The following CYFIP2 variants were observed in gnomAD, a reference collection of about 807,000 sequenced individuals.
CYFIP2 encodes the protein cytoplasmic FMR1-interacting protein 2.
A neutral mutation model predicts 158.7 loss-of-function variants in CYFIP2; 29 were observed. The observed-to-expected ratio is 0.18, with a 90% CI of 0.14 to 0.25. CYFIP2 has a LOEUF of 0.25. Ranked by LOEUF, CYFIP2 falls within the 10% of genes least tolerant of loss-of-function variation. CYFIP2 has a pLI of 1.00. For synonymous variants in CYFIP2, 585 were observed against 617.6 expected (o/e 0.95, Z 0.78); for missense variants, 852 against 1,639.5 (o/e 0.52, Z 8.29).
chr5:157,322,131 G>C (rs574899974), intron 15 of CYFIP2, among the ~76,000 whole-genome samples: 105 of 152,338 alleles, frequency 6.9e-4, no homozygotes, highest in Non-Finnish European at 1.3e-3. Flanking sequence ...AGGTGGCACA[G>C]ACATGTTGAA....
intron 18 of CYFIP2, 42 bp from the exon 19 acceptor site, chr5:157,327,931 C>G: frequency 6.3e-7 from 1 of 1,593,756 alleles, no homozygotes. Context: ...TGTCATAAAG[C>G]TGAACGGGCA....
At chr5:157,281,427 AGTG>A (rs1275153459) in intron 1 of CYFIP2, among the ~76,000 whole-genome samples, 1 of 152,190 alleles carries the variant, frequency 6.6e-6, no homozygotes, top group Non-Finnish European at 1.5e-5. Context: ...TCGGTTATCT[AGTG>A]GTATAGTTTA....
intron 26 of CYFIP2, among the ~76,000 whole-genome samples, chr5:157,373,001 G>A (rs914724872): frequency 4.6e-5 from 7 of 152,152 alleles, no homozygotes; most frequent in South Asian, 2.1e-4. Context: ...GCCTTTCCAC[G>A]CTTGAGCCGA....
chr5:157,341,104 C>G lies in CYFIP2; in HGVS notation c.2620C>G (p.Pro874Ala), dbSNP rs375088064. The G allele has an allele frequency of 3.7e-6, 6 of 1,613,890 alleles. No individual in the cohort carries two copies. Among genetic ancestry groups the G allele is most frequent in the Non-Finnish European group, 5.1e-6 (6 of 1,179,902 alleles). ...GACTGCCATTCCTTTCACCCAAGAA[C>G]CACAACGAGACAAACCTGCCAACGT... ...VRTAIPFTQEPQRDKPANVQP... is the reference protein window; with the variant it reads ...VRTAIPFTQEAQRDKPANVQP... The change falls in exon 23 of 31, where the codon CCA (proline) becomes GCA (alanine). Residue 874 changes from proline to alanine, a missense_variant. Transcript: ENST00000620254.
intron 1 of CYFIP2, among the ~76,000 whole-genome samples, chr5:157,279,271 A>G (rs1262341388): frequency 2.6e-5 from 4 of 152,224 alleles, no homozygotes; most frequent in Non-Finnish European, 4.4e-5. Flanking sequence ...TATTGTTTAT[A>G]TAGCTCATAA....
intron 1 of CYFIP2, among the ~76,000 whole-genome samples, chr5:157,275,879 A>G (rs1756501399): frequency 6.6e-6 from 1 of 152,140 alleles, no homozygotes; most frequent in Non-Finnish European, 1.5e-5. Context: ...TGTTAAGTTT[A>G]TTTCTAAGTA....
intron 1 of CYFIP2, among the ~76,000 whole-genome samples, chr5:157,284,734 G>A (rs1757242376): frequency 6.6e-6 from 1 of 152,164 alleles, no homozygotes; most frequent in South Asian, 2.1e-4. Flanking sequence ...TGTTTGATGT[G>A]GCTCACAAAA....
intron 1 of CYFIP2, among the ~76,000 whole-genome samples, chr5:157,270,328 A>G (rs936103251): frequency 6.6e-6 from 1 of 152,204 alleles, no homozygotes; most frequent in Admixed American, 6.5e-5. Flanking sequence ...TCTGCAGGAA[A>G]TAAAGGTGAT....
Position 157,390,540 on chromosome 5 carries a change from T to G in CYFIP2, c.3466T>G (p.Leu1156Val), listed in dbSNP as rs765458257. ...TCCCAGGCAGTGTTTCGGCGATGGC[T>G]TGAACTGGGCTGGTTGCTCCATCAT... is the stretch of plus-strand genomic sequence containing the variant. ...FTAEQCFGDG[L>V]NWAGCSIIVL... The change falls in exon 30 of 31, where the codon TTG (leucine) becomes GTG (valine). Residue 1156 changes from leucine to valine, a missense_variant. This residue lies in a region of CYFIP2 where 223 missense variants were observed against 381.6 expected (regional missense o/e 0.58). Coordinates refer to ENST00000620254, the MANE Select transcript of CYFIP2 (RefSeq NM_001037333.3). 1 of 1,544,648 alleles carries G rather than the reference T, an allele frequency of 6.5e-7. No individual in the cohort carries two copies. Among genetic ancestry groups the G allele is most frequent in the African/African-American group, 1.4e-5 (1 of 72,922 alleles).
rs950666471 is a variant in CYFIP2 at position 157,311,535 on chromosome 5, G to A, written c.993-129G>A. On this transcript the variant is annotated intron_variant, in intron 10 of 30. Coordinates refer to ENST00000620254, the MANE Select transcript of CYFIP2 (RefSeq NM_001037333.3). This position sits in a 1 kb window ranked among gnomAD's most constrained non-coding sequence, Gnocchi z 4.7. ...ACTTAGCAGGCTTTCTTGCTGAGGC[G>A]GCTGGGATACCATTTGGTGTCACCC... 9.1e-5 allele frequency: 65 copies of A among 716,434 alleles called. No individual in the cohort carries two copies. The highest frequency in any genetic ancestry group is 6.8e-4 in the African/African-American group (38 of 56,114). 44.4% of individuals were successfully genotyped at this position (716,434 alleles called of 1,614,324 possible).
chr5:157,354,714 A>T (rs1027160124), intron 23 of CYFIP2, among the ~76,000 whole-genome samples: 1 of 152,100 alleles, frequency 6.6e-6, no homozygotes. Flanking sequence ...TCCAAGACTG[A>T]CATAGGAATG....
chr5:157,293,564 A>C (rs556465038), intron 3 of CYFIP2, among the ~76,000 whole-genome samples: 1 of 152,350 alleles, frequency 6.6e-6, no homozygotes, highest in African/African-American at 2.4e-5. Context: ...TGAAAATTAT[A>C]GTGCTATATG....
chr5:157,330,991 C>A (rs940593281), intron 20 of CYFIP2, 141 bp downstream of exon 20: 1 of 650,020 alleles, frequency 1.5e-6, no homozygotes, highest in Non-Finnish European at 2.7e-6. Flanking sequence ...GGGTGTAGCA[C>A]AGCCTCAGGA....
At chr5:157,348,676 T>G (rs1394410324) in intron 23 of CYFIP2, among the ~76,000 whole-genome samples, 1 of 152,178 alleles carries the variant, frequency 6.6e-6, no homozygotes, top group African/African-American at 2.4e-5. Context: ...CCTCCCAAAG[T>G]ACTGGGATTA....
intron 28 of CYFIP2, chr5:157,384,124 G>A (rs1222274875): frequency 5.5e-6 from 2 of 365,306 alleles, no homozygotes; most frequent in Non-Finnish European, 1.1e-5. Context: ...GTTCTAACAA[G>A]GGTGAATGAG....
intron 10 of CYFIP2, 100 bp downstream of exon 10, chr5:157,309,934 T>G: frequency 8.8e-7 from 1 of 1,136,344 alleles, no homozygotes; most frequent in South Asian, 1.3e-5. Context: ...CCCAGATCCC[T>G]GGGCAGGTGG....
In CYFIP2 at chr5:157,395,229, C is replaced by T. The variant is rs1767646821; in HGVS notation, c.*2229C>T. The T allele has an allele frequency of 4.1e-6, 1 of 246,278 alleles. No individual in the cohort carries two copies. Among genetic ancestry groups the T allele is most frequent in the African/African-American group, 2.4e-5 (1 of 42,214 alleles). 15.3% of individuals were successfully genotyped at this position (246,278 alleles called of 1,614,324 possible). A position where few individuals can be genotyped will look rare whatever the true frequency, so the allele number is the denominator to read the frequency against. ...CCAGTGGCACTGATTTCCGAACACC[C>T]AATGAGTTTAATATTCTTTCCTCCT... On this transcript the variant is annotated 3_prime_UTR_variant, in exon 31 of 31. Coordinates refer to ENST00000620254, the MANE Select transcript of CYFIP2 (RefSeq NM_001037333.3).
At chr5:157,283,038 T>C (rs1404040400) in intron 1 of CYFIP2, among the ~76,000 whole-genome samples, 2 of 152,216 alleles carry the variant, frequency 1.3e-5, no homozygotes, top group Non-Finnish European at 2.9e-5. Flanking sequence ...TTATCGAGTG[T>C]AATCTCAAAA....
At chr5:157,318,708 G>A (rs1026620769) in intron 13 of CYFIP2, among the ~76,000 whole-genome samples, 3 of 152,194 alleles carry the variant, frequency 2.0e-5, no homozygotes, top group African/African-American at 7.2e-5. Flanking sequence ...CTGGCAGTTG[G>A]GCGTGCACAG....
Sources: allele counts gnomAD v4.1 joint callset (sites outside exome capture counted in the v4.1 genomes callset), GRCh38; gene constraint gnomAD v4.1.1; regional missense constraint gnomAD v4.1.1; non-coding constraint Gnocchi (gnomAD v3.1); transcripts MANE v1.5; gene names NCBI Gene and HGNC (gene_info 2026-07-23, HGNC 2026-07-21).